GSR: variants seen among roughly 807,000 people sequenced by gnomAD.
GSR encodes glutathione reductase, mitochondrial.
In GSR, 48 loss-of-function variants were observed where a neutral mutation model predicts 56.5. The observed-to-expected ratio is 0.85, with a 90% CI of 0.67 to 1.08. The LOEUF is 1.08. Among genes scored for constraint, GSR ranks in the 50% least tolerant of loss-of-function variants. The probability of loss-of-function intolerance (pLI) is 0.00; values close to 1 mark genes in which losing one functional copy is unlikely to be tolerated. For synonymous variants in GSR, 264 were observed against 270.8 expected (o/e 0.97, Z 0.25); for missense variants, 694 against 703.3 (o/e 0.99, Z 0.15).
In GSR at chr8:30,727,780, G is replaced by T. The variant is rs1804797585; in HGVS notation, c.56C>A (p.Ala19Glu). The T allele has an allele frequency of 2.2e-6, 3 of 1,354,958 alleles. No individual in the cohort carries two copies. Among genetic ancestry groups the T allele is most frequent in the African/African-American group, 3.0e-5 (2 of 65,680 alleles). The allele number at this position is 1,354,958 out of a possible 1,614,324, so 83.9% of individuals were successfully genotyped here. The change falls in exon 1 of 13, where the codon GCG becomes GAG. Residue 19 changes from alanine (A) to glutamate (E), a missense_variant. By Grantham distance (107) the Ala-to-Glu change is moderately radical (BLOSUM62 -1). Coordinates refer to ENST00000221130, the MANE Select transcript of GSR (RefSeq NM_000637.5). Reference protein sequence around the residue: ...SAGAGPSWRRAARAFRGFLLL... With the variant: ...SAGAGPSWRREARAFRGFLLL... ...CAGGAAGCCTCGGAAGGCGCGCGCC[G>T]CCCGCCGCCAGCTCGGTCCCGCGCC...
At chr8:30,725,112 G>A (rs1260752104) in intron 1 of GSR, among the ~76,000 whole-genome samples, 1 of 151,856 alleles carries the variant, frequency 6.6e-6, no homozygotes, top group Non-Finnish European at 1.5e-5. Flanking sequence ...TATATCTATC[G>A]TTTTCTCCCT....
At chr8:30,690,522 A>ATTC (rs1226453873) in intron 8 of GSR, among the ~76,000 whole-genome samples, 6 of 152,058 alleles carry the variant, frequency 3.9e-5, no homozygotes, top group African/African-American at 1.4e-4. Context: ...GAGTGGAGAA[A>ATTC]ATAAATAGTT....
At chr8:30,686,526 T>G (rs2551727) in intron 9 of GSR, among the ~76,000 whole-genome samples, 1 of 152,026 alleles carries the variant, frequency 6.6e-6, no homozygotes, top group Non-Finnish European at 1.5e-5. Context: ...CTACAAAAAT[T>G]TTTTTTAAAA....
intron 4 of GSR, 96 bp downstream of exon 4, chr8:30,707,976 A>G (rs1803973657): frequency 1.4e-6 from 1 of 720,898 alleles, no homozygotes. Context: ...AATAATAAAA[A>G]TAAATAAATA....
In GSR at chr8:30,691,782, A is replaced by G. The variant is rs1034095136; in HGVS notation, c.882+1187T>C. 6.7e-4 allele frequency among the ~76,000 whole-genome samples: 102 copies of G among 152,090 alleles called. 1 individual carries two copies. Among genetic ancestry groups the G allele is most frequent in the Non-Finnish European group, 1.9e-4 (13 of 68,012 alleles). On this transcript the variant is annotated intron_variant, in intron 8 of 12. Coordinates refer to ENST00000221130, the MANE Select transcript of GSR (RefSeq NM_000637.5). Reference sequence around the variant, plus strand: ...TGTAATAAGACACCTGAGCACAAAAATCAAAGTTTTAAAATCCAAATTTAA... The same window carrying G: ...TGTAATAAGACACCTGAGCACAAAAGTCAAAGTTTTAAAATCCAAATTTAA...
intron 9 of GSR, among the ~76,000 whole-genome samples, chr8:30,686,867 G>A (rs1429697371): frequency 7.3e-6 from 1 of 136,218 alleles, no homozygotes; most frequent in African/African-American, 2.7e-5. Context: ...ACGGAGTTTT[G>A]CTTTTGTTGC....
chr8:30,705,266 A>AT (rs1047558992), intron 4 of GSR, among the ~76,000 whole-genome samples: 56 of 150,230 alleles, frequency 3.7e-4, no homozygotes, highest in African/African-American at 1.3e-3. Flanking sequence ...TCTCTACAAA[A>AT]AAATTTTTTT....
intron 8 of GSR, among the ~76,000 whole-genome samples, chr8:30,689,914 GTATT>G (rs1014057857): frequency 4.4e-4 from 61 of 138,146 alleles, no homozygotes; most frequent in South Asian, 8.6e-4. Flanking sequence ...TTAAATATAT[GTATT>G]TAATGTTTTT....
intron 11 of GSR, among the ~76,000 whole-genome samples, chr8:30,681,586 T>G (rs1052232790): frequency 6.6e-6 from 1 of 151,760 alleles, no homozygotes; most frequent in Non-Finnish European, 1.5e-5. Context: ...TTAGGAAAGA[T>G]AGACATGTGT....
At chr8:30,713,806 G>A (rs1485222602) in intron 1 of GSR, among the ~76,000 whole-genome samples, 2 of 152,176 alleles carry the variant, frequency 1.3e-5, no homozygotes, top group East Asian at 1.9e-4. Context: ...TACTTTTACA[G>A]TAACCTAGAA....
chr8:30,687,045 CA>C (rs1803187455), intron 9 of GSR, among the ~76,000 whole-genome samples: 1 of 151,840 alleles, frequency 6.6e-6, no homozygotes, highest in African/African-American at 2.4e-5. Context: ...CCACGTTGCC[CA>C]GGCTGGTCTC....
chr8:30,719,567 C>G (rs1259431141), intron 1 of GSR, among the ~76,000 whole-genome samples: 1 of 151,962 alleles, frequency 6.6e-6, no homozygotes, highest in Non-Finnish European at 1.5e-5. Flanking sequence ...CAAAATTTCA[C>G]AGGCTGTTCA....
At chr8:30,719,971 G>A (rs1012785708) in intron 1 of GSR, among the ~76,000 whole-genome samples, 2 of 152,138 alleles carry the variant, frequency 1.3e-5, no homozygotes, top group African/African-American at 4.8e-5. Flanking sequence ...AAAACTTTGG[G>A]AGGTGAGGTG....
Position 30,684,090 on chromosome 8 carries a change from G to A in GSR, c.1151C>T (p.Pro384Leu), listed in dbSNP as rs1397461211. The A allele has an allele frequency of 2.7e-6, 4 of 1,492,742 alleles. No homozygotes were observed. The highest frequency in any genetic ancestry group is 3.3e-5 in the Admixed American group (2 of 59,836). The allele number at this position is 1,492,742 out of a possible 1,614,324, so 92.5% of individuals were successfully genotyped here. Reference sequence around the variant, plus strand: ...ACCAAGAAGGGAAGAGACCTTACCTGGAGTAAGAAGAGCTTTTCCACATAC... The same window carrying A: ...ACCAAGAAGGGAAGAGACCTTACCTAGAGTAAGAAGAGCTTTTCCACATAC... ...GDVCGKALLT[P>L]VAIAAGRKLA... Residue 384 changes from proline (P) to leucine (L), a missense_variant and splice_region_variant, in exon 10 of 13, where the codon CCA becomes CTA. Physicochemically the swap from Pro to Leu is moderately conservative, Grantham distance 98. Transcript: ENST00000221130.
chr8:30,710,714 C>CATAAAAAAAAAAAAAAAAAAAAAAAAAAA (rs1804101825), intron 2 of GSR, among the ~76,000 whole-genome samples: 1 of 51,044 alleles, frequency 2.0e-5, no homozygotes, highest in Non-Finnish European at 3.8e-5. Flanking sequence ...GACTCTGTCT[C>CATAAAAAAAAAAAAAAAAAAAAAAAAAAA]AAAAAAAAAA....
intron 6 of GSR, among the ~76,000 whole-genome samples, chr8:30,697,507 G>T (rs977006159): frequency 6.6e-6 from 1 of 151,928 alleles, no homozygotes; most frequent in African/African-American, 2.4e-5. Context: ...CCATGTCTGT[G>T]GTCCCAGTTA....
At chr8:30,719,104 ATTTTTTTT>A (rs35944160) in intron 1 of GSR, among the ~76,000 whole-genome samples, 1 of 73,642 alleles carries the variant, frequency 1.4e-5, no homozygotes, top group East Asian at 3.9e-4. Flanking sequence ...TAATTTTTAA[ATTTTTTTT>A]TTTTTTTTTT....
At chr8:30,680,265 C>T (rs1213917569) in intron 12 of GSR, among the ~76,000 whole-genome samples, 1 of 151,870 alleles carries the variant, frequency 6.6e-6, no homozygotes, top group Non-Finnish European at 1.5e-5. Context: ...GATGGGGTTT[C>T]ACCATGCTGC....
At chr8:30,704,090 C>T (rs8190967) in intron 4 of GSR, among the ~76,000 whole-genome samples, 3,868 of 151,760 alleles carry the variant, frequency 0.025, 150 homozygotes, top group African/African-American at 0.088. Context: ...TTTGGAAGGC[C>T]GAGGCAGGCA....
Sources: allele counts gnomAD v4.1 joint callset (sites outside exome capture counted in the v4.1 genomes callset), GRCh38; gene constraint gnomAD v4.1.1; transcripts MANE v1.5; gene names NCBI Gene and HGNC (gene_info 2026-07-23, HGNC 2026-07-21).